The following WEE1 variants were observed in gnomAD, a reference collection of about 807,000 sequenced individuals.
The protein encoded by WEE1 is WEE1 G2 checkpoint kinase.
WEE1 carries 16 observed loss-of-function variants against 68.8 expected under a neutral mutation model. The ratio of observed to expected loss-of-function variants is 0.23; its 90% CI spans 0.16 to 0.35. The LOEUF (loss-of-function observed/expected upper bound fraction) is 0.35, where lower values mean the gene tolerates loss of function less well. Ranked by LOEUF, WEE1 falls within the 10% of genes least tolerant of loss-of-function variation. WEE1 has a pLI of 1.00. For synonymous variants in WEE1, 349 were observed against 318.7 expected, an observed-to-expected ratio of 1.09 and a Z score of -1.01; for missense variants, 651 against 824.1, an observed-to-expected ratio of 0.79 and a Z score of 2.57.
rs577896829 is a variant in WEE1, at chr11:9,576,116, T to C, written c.782+23T>C. The stretch of plus-strand genomic sequence containing the variant: ...TGAGTAAGTCGTTTATTTAACAGTT[T>C]GGTTCTCCAAATAACCTAAGATTGG... On this transcript the variant is annotated intron_variant, in intron 2 of 10. Coordinates refer to ENST00000450114, the MANE Select transcript of WEE1 (RefSeq NM_003390.4). The surrounding 1 kb of genome is among the most constrained non-coding windows in gnomAD (Gnocchi z 4.3). The C allele has an allele frequency of 1.0e-4, 167 of 1,612,912 alleles. No homozygotes were observed. Among genetic ancestry groups the C allele is most frequent in the Non-Finnish European group, 1.3e-4 (156 of 1,179,204 alleles).
At position 9,573,823 on chromosome 11, in the gene WEE1, C is replaced by T; in HGVS notation, c.-111C>T. 1 of 945,742 alleles carries T rather than the reference C, an allele frequency of 1.1e-6. No homozygotes were observed. Among genetic ancestry groups the T allele is most frequent in the Non-Finnish European group, 1.3e-6 (1 of 746,432 alleles). The allele number at this position is 945,742 out of a possible 1,614,324, so 58.6% of individuals were successfully genotyped here. ...CCGCCGCCGCGCAGAGACGCCGCGG[C>T]TGCGACTAGGCGCGCCCAGCCGCAC... On this transcript the variant is annotated 5_prime_UTR_variant, in exon 1 of 11. Transcript: ENST00000450114.
chr11:9,578,060 G>A, intron 5 of WEE1: 1 of 341,800 alleles, frequency 2.9e-6, no homozygotes. Flanking sequence ...TGATGATTGG[G>A]TTTTCATACT....
At chr11:9,581,435 T>A in intron 5 of WEE1, 97 bp from the exon 6 acceptor site, 1 of 1,169,960 alleles carries the variant, frequency 8.5e-7, no homozygotes. Flanking sequence ...TAACACTTTC[T>A]TGGTTGAGAT....
At chr11:9,588,290 A>G (rs1372455561) in intron 10 of WEE1, among the ~76,000 whole-genome samples, 159 bp from the exon 11 acceptor site, 1 of 152,200 alleles carries the variant, frequency 6.6e-6, no homozygotes, top group South Asian at 2.1e-4. Flanking sequence ...TCATAAATTT[A>G]AGTTGTTTTA....
In WEE1 at chr11:9,589,005, C is replaced by A. The variant is rs143502910; in HGVS notation, c.*403C>A. On this transcript the variant is annotated 3_prime_UTR_variant, in exon 11 of 11. Coordinates refer to ENST00000450114, the MANE Select transcript of WEE1 (RefSeq NM_003390.4). ...TGCTAAAAGACTCATTACTACTCAG[C>A]CTTCAATGTACCTGTGTGTCCATCT... 3.0e-4 allele frequency: 297 copies of A among 986,310 alleles called. No homozygotes were observed. The Middle Eastern group carries it at 7.3e-3, about 24-fold the overall frequency. The allele number at this position is 986,310 out of a possible 1,614,324, so 61.1% of individuals were successfully genotyped here. A position where few individuals can be genotyped will look rare whatever the true frequency, so the allele number is the denominator to read the frequency against.
Position 9,574,304 on chromosome 11 carries a change from CG to C in WEE1, c.373del (p.Val125SerfsTer109). The C allele has an allele frequency of 7.9e-7, 1 of 1,266,446 alleles. No individual in the cohort carries two copies. Among genetic ancestry groups the C allele is most frequent in the Non-Finnish European group, 1.0e-6 (1 of 1,004,958 alleles). The allele number at this position is 1,266,446 out of a possible 1,614,324, so 78.5% of individuals were successfully genotyped here. On this transcript the variant is annotated frameshift_variant, in exon 1 of 11. Coordinates refer to ENST00000450114, the MANE Select transcript of WEE1 (RefSeq NM_003390.4). LOFTEE classifies it high-confidence loss of function. This position sits in a 1 kb window ranked among gnomAD's most constrained non-coding sequence, Gnocchi z 4.9. ...WEEEGFGSSS[P>X]VKSPAAPYFL... The stretch of plus-strand genomic sequence containing the variant: ...GAGGAGGGCTTCGGCTCCTCGTCGC[CG>C]GTCAAGTCGCCGGCGGCCCCCTACT...
At chr11:9,578,869 G>C (rs1849592156) in intron 5 of WEE1, 1 of 139,522 alleles carries the variant, frequency 7.2e-6, no homozygotes. Context: ...ATAATCTATT[G>C]AAAATAAGTT....
chr11:9,577,722 C>G (rs552465824), intron 5 of WEE1: 1 of 329,884 alleles, frequency 3.0e-6, no homozygotes, highest in South Asian at 2.5e-5. Context: ...ATTCTGTAGT[C>G]CGGCCCTACT....
At position 9,589,299 on chromosome 11, in the gene WEE1, TGAA is replaced by T. The variant is rs1849737090; in HGVS notation, c.*699_*701del. 3.0e-6 allele frequency: 3 copies of T among 985,338 alleles called. No homozygotes were observed. The allele number at this position is 985,338 out of a possible 1,614,324, so 61.0% of individuals were successfully genotyped here. A position where few individuals can be genotyped will look rare whatever the true frequency, so the allele number is the denominator to read the frequency against. The stretch of plus-strand genomic sequence containing the variant: ...CTTTTTTTTTTTTTCCTTTGAACTT[TGAA>T]GCTAGTGCATTGGAAAAATGCACCC... On this transcript the variant is annotated 3_prime_UTR_variant, in exon 11 of 11. Transcript: ENST00000450114.
chr11:9,583,719 T>G (rs940361437), intron 6 of WEE1, among the ~76,000 whole-genome samples: 1 of 140,378 alleles, frequency 7.1e-6, no homozygotes, highest in Non-Finnish European at 1.5e-5. Context: ...TAACATAAAT[T>G]TAATACTAAA....
intron 8 of WEE1, among the ~76,000 whole-genome samples, chr11:9,586,090 A>G (rs1230014054): frequency 6.6e-6 from 1 of 152,200 alleles, no homozygotes; most frequent in South Asian, 2.1e-4. Context: ...TGTTTGCTTT[A>G]TCACGTATAT....
Position 9,588,679 on chromosome 11 carries a change from G to C in WEE1, c.*77G>C, listed in dbSNP as rs1849729523. The C allele has an allele frequency of 5.7e-6, 8 of 1,402,394 alleles. No homozygotes were observed. Among genetic ancestry groups the C allele is most frequent in the Non-Finnish European group, 6.5e-6 (7 of 1,076,860 alleles). The allele number at this position is 1,402,394 out of a possible 1,614,324, so 86.9% of individuals were successfully genotyped here. On this transcript the variant is annotated 3_prime_UTR_variant, in exon 11 of 11. Transcript: ENST00000450114. ...TGAAATCACTGATAGAATCCAGTTT[G>C]CAATTACTTTCTCGATTGGTGTCAG...
chr11:9,574,313 C>T lies in WEE1; in HGVS notation c.380C>T (p.Ser127Leu). Residue 127 changes from serine to leucine, a missense_variant, in exon 1 of 11, where the codon TCG becomes TTG. Physicochemically the swap from Ser to Leu is moderately radical, Grantham distance 145. This residue lies in a region of WEE1 where 395 missense variants were observed against 378.4 expected (regional missense o/e 1.04). Transcript: ENST00000450114. This position sits in a 1 kb window ranked among gnomAD's most constrained non-coding sequence, Gnocchi z 4.9. ...EGFGSSSPVK[S>L]PAAPYFLGSS... ...TTCGGCTCCTCGTCGCCGGTCAAGT[C>T]GCCGGCGGCCCCCTACTTCCTGGGT... 1 of 1,269,302 alleles carries T rather than the reference C, an allele frequency of 7.9e-7. No homozygotes were observed. Among genetic ancestry groups the T allele is most frequent in the Non-Finnish European group, 9.9e-7 (1 of 1,006,214 alleles). 78.6% of individuals were successfully genotyped at this position (1,269,302 alleles called of 1,614,324 possible).
At chr11:9,583,757 GCGCGCA>G (rs1214527657) in intron 6 of WEE1, among the ~76,000 whole-genome samples, 200 of 11,416 alleles carry the variant, frequency 0.018, 3 homozygotes, top group African/African-American at 0.032. Context: ...GCGTGCACGC[GCGCGCA>G]CACACACACA....
chr11:9,577,048 C>T, intron 4 of WEE1, 94 bp from the exon 5 acceptor site: 1 of 1,416,404 alleles, frequency 7.1e-7, no homozygotes, highest in Non-Finnish European at 9.5e-7. Context: ...CAATAGATAC[C>T]AAAAATTTAT....
intron 5 of WEE1, 183 bp downstream of exon 5, chr11:9,577,446 A>G: frequency 6.3e-6 from 4 of 639,524 alleles, no homozygotes; most frequent in Non-Finnish European, 7.8e-6. Context: ...CACCTTGTAC[A>G]TATCTCAGTA....
At chr11:9,575,787 T>C in intron 1 of WEE1, 101 bp from the exon 2 acceptor site, 1 of 957,202 alleles carries the variant, frequency 1.0e-6, no homozygotes, top group Non-Finnish European at 1.6e-6. Context: ...TGCTTTCACC[T>C]ACGCATTCAG....
At position 9,589,453 on chromosome 11, in the gene WEE1, A is replaced by G. The variant is rs920129956; in HGVS notation, c.*851A>G. 4.1e-6 allele frequency: 4 copies of G among 985,150 alleles called. No individual in the cohort carries two copies. The highest frequency in any genetic ancestry group is 5.2e-4 in the Middle Eastern group (1 of 1,914). The allele number at this position is 985,150 out of a possible 1,614,324, so 61.0% of individuals were successfully genotyped here. A position where few individuals can be genotyped will look rare whatever the true frequency, so the allele number is the denominator to read the frequency against. ...CCTAAGTTTTATACTTGATTGTATT[A>G]TTAGTCTGTTTTTAAATGTTTTGCC... On this transcript the variant is annotated 3_prime_UTR_variant, in exon 11 of 11. Coordinates refer to ENST00000450114, the MANE Select transcript of WEE1 (RefSeq NM_003390.4).
rs950163582 is a variant in WEE1 at position 9,583,097 on chromosome 11, C to T, written c.1288+1419C>T. On this transcript the variant is annotated intron_variant, in intron 6 of 10. Transcript: ENST00000450114. Reference sequence around the variant, plus strand: ...CTGGCAGGCCAAGGCAGGCAGATCACGAGGCAGGAGTTCGAGACCAGCCTG... The same window carrying T: ...CTGGCAGGCCAAGGCAGGCAGATCATGAGGCAGGAGTTCGAGACCAGCCTG... Among the ~76,000 whole-genome samples, 7 of 151,918 alleles carry T rather than the reference C, an allele frequency of 4.6e-5. No individual in the cohort carries two copies. In the South Asian group the frequency reaches 8.3e-4, roughly 18 times the overall value.
Sources: allele counts gnomAD v4.1 joint callset (sites outside exome capture counted in the v4.1 genomes callset), GRCh38; gene constraint gnomAD v4.1.1; regional missense constraint gnomAD v4.1.1; non-coding constraint Gnocchi (gnomAD v3.1); transcripts MANE v1.5; gene names NCBI Gene and HGNC (gene_info 2026-07-23, HGNC 2026-07-21).